The following CDKL5 variants were observed in gnomAD, a reference collection of about 807,000 sequenced individuals.
The protein encoded by CDKL5 is cyclin dependent kinase like 5, also known as cyclin-dependent kinase-like 5.
A neutral mutation model predicts 61.7 loss-of-function variants in CDKL5; 8 were observed. The ratio of observed to expected loss-of-function variants is 0.13; its 90% CI spans 0.08 to 0.23. The LOEUF is 0.23. Ranked by LOEUF, CDKL5 falls within the 10% of genes least tolerant of loss-of-function variation. The probability of loss-of-function intolerance (pLI) is 1.00; values close to 1 mark genes in which losing one functional copy is unlikely to be tolerated. For synonymous variants in CDKL5, 275 were observed against 272.3 expected, an observed-to-expected ratio of 1.01 and a Z score of -0.10; for missense variants, 440 against 734.5, an observed-to-expected ratio of 0.60 and a Z score of 4.63.
In CDKL5 at chrX:18,633,594, A is replaced by G; in HGVS notation, c.*4837A>G. The G allele has an allele frequency of 5.3e-6, 4 of 754,915 alleles. No homozygotes were observed. The highest frequency in any genetic ancestry group is 6.3e-6 in the Non-Finnish European group (4 of 639,450). 62.2% of individuals were successfully genotyped at this position (754,915 alleles called of 1,213,427 possible). ...AAATTCTGTCTCAGAAACGATGAGT[A>G]AGAAACCATACAAGAAAAAGAAGTC... On this transcript the variant is annotated 3_prime_UTR_variant, in exon 18 of 18. Transcript: ENST00000623535.
intron 3 of CDKL5, among the ~76,000 whole-genome samples, chrX:18,555,236 G>A (rs1194127500): frequency 9.0e-6 from 1 of 111,003 alleles, no homozygotes; most frequent in Non-Finnish European, 1.9e-5. Context: ...TGTGACAACC[G>A]AAAGTGTCCC....
Position 18,565,445 on chromosome X carries a change from A to G in CDKL5, c.145+923A>G, listed in dbSNP as rs774336648. The stretch of plus-strand genomic sequence containing the variant: ...TTGTGACATCAAATGGATTGATTTC[A>G]CTACTAGTAAGTCAGAGCCTGCTAT... On this transcript the variant is annotated intron_variant, in intron 4 of 17. Transcript: ENST00000623535. Among the ~76,000 whole-genome samples, 3 of 112,250 alleles carry G rather than the reference A, an allele frequency of 2.7e-5. No individual in the cohort carries two copies. The East Asian group carries it at 8.4e-4, about 31-fold the overall frequency.
intron 3 of CDKL5, among the ~76,000 whole-genome samples, chrX:18,539,374 C>T (rs1207408592): frequency 8.9e-6 from 1 of 111,879 alleles, no homozygotes; most frequent in East Asian, 2.8e-4. Context: ...ACTGCTTAAG[C>T]TGCATCCCAC....
chrX:18,575,925 G>A (rs1430341299), intron 5 of CDKL5, among the ~76,000 whole-genome samples: 1 of 111,717 alleles, frequency 9.0e-6, no homozygotes, highest in Non-Finnish European at 1.9e-5. Context: ...CAATGCTTTG[G>A]CTTTATTTGA....
chrX:18,497,118 G>A (rs747003198), intron 1 of CDKL5, among the ~76,000 whole-genome samples: 21 of 109,714 alleles, frequency 1.9e-4, no homozygotes, highest in African/African-American at 7.0e-4. Flanking sequence ...TCAGCCTCCC[G>A]AGTAGCTGGG....
intron 4 of CDKL5, among the ~76,000 whole-genome samples, chrX:18,568,168 C>T (rs755022782): frequency 8.9e-6 from 1 of 111,950 alleles, no homozygotes; most frequent in East Asian, 2.8e-4. Context: ...CATTGTAAGT[C>T]GGGACCATCT....
chrX:18,481,331 T>A (rs1464258643), intron 1 of CDKL5, among the ~76,000 whole-genome samples: 2 of 85,016 alleles, frequency 2.4e-5, no homozygotes, highest in Non-Finnish European at 4.3e-5. Flanking sequence ...TTTCTTTCTT[T>A]CTTTCTTTCT....
At chrX:18,573,673 C>T (rs945501017) in intron 4 of CDKL5, among the ~76,000 whole-genome samples, 13 of 112,423 alleles carry the variant, frequency 1.2e-4, no homozygotes, top group Admixed American at 9.4e-4. Context: ...CACAGTTGGC[C>T]TTTCCTACTG....
intron 4 of CDKL5, among the ~76,000 whole-genome samples, chrX:18,565,849 A>T (rs1214089518): frequency 8.9e-6 from 1 of 111,923 alleles, no homozygotes; most frequent in Non-Finnish European, 1.9e-5. Flanking sequence ...GGGACAAAAA[A>T]ATCTTGCTTC....
intron 3 of CDKL5, among the ~76,000 whole-genome samples, chrX:18,518,975 A>G (rs974055533): frequency 8.1e-5 from 9 of 111,262 alleles, no homozygotes; most frequent in African/African-American, 2.9e-4. Flanking sequence ...TGAGAATGGT[A>G]TAGTGAGAAC....
intron 2 of CDKL5, among the ~76,000 whole-genome samples, chrX:18,509,254 A>C (rs1371069278): frequency 1.1e-5 from 1 of 89,853 alleles, no homozygotes; most frequent in African/African-American, 4.0e-5. Context: ...CACCCCTGTC[A>C]AGCAAACTCT....
At chrX:18,646,270 C>T (rs1425971649) in intron 20 of CDKL5, among the ~76,000 whole-genome samples, 4 of 111,845 alleles carry the variant, frequency 3.6e-5, no homozygotes, top group African/African-American at 1.3e-4. Flanking sequence ...TCTCCTGCCT[C>T]AGCCTCCTAA....
intron 1 of CDKL5, among the ~76,000 whole-genome samples, chrX:18,492,660 A>T (rs933598678): frequency 9.0e-6 from 1 of 110,836 alleles, no homozygotes; most frequent in Non-Finnish European, 1.9e-5. Context: ...AGTGGTATTG[A>T]CTTCCTCTCC....
intron 1 of CDKL5, among the ~76,000 whole-genome samples, chrX:18,501,475 A>C (rs960625928): frequency 5.5e-5 from 6 of 108,593 alleles, no homozygotes; most frequent in Non-Finnish European, 1.2e-4. Context: ...CACCTGGCCT[A>C]ATTCCCAGTT....
chrX:18,474,078 A>G (rs1375438263), intron 1 of CDKL5, among the ~76,000 whole-genome samples: 1 of 110,374 alleles, frequency 9.1e-6, no homozygotes, highest in Admixed American at 9.7e-5. Context: ...TGTGTTGGCC[A>G]GGCTGGTCTC....
At chrX:18,473,691 G>C (rs1403798611) in intron 1 of CDKL5, among the ~76,000 whole-genome samples, 1 of 107,920 alleles carries the variant, frequency 9.3e-6, no homozygotes, top group Non-Finnish European at 1.9e-5. Context: ...TTACATGAAA[G>C]ATAAAAATGA....
rs1366383525 is a variant in CDKL5, at chrX:18,634,345, G to A, written c.*5588G>A. On this transcript the variant is annotated 3_prime_UTR_variant, in exon 18 of 18. Transcript: ENST00000623535. ...GTAGACAAGCTTGTCCTAGTGCTCT[G>A]CTTCAGGTCTTATCAGAAGAAACCC... The A allele has an allele frequency of 1.2e-5, 9 of 751,789 alleles. No homozygotes were observed. The highest frequency in any genetic ancestry group is 1.3e-5 in the Non-Finnish European group (8 of 638,608). 62.0% of individuals were successfully genotyped at this position (751,789 alleles called of 1,213,427 possible). A position where few individuals can be genotyped will look rare whatever the true frequency, so the allele number is the denominator to read the frequency against.
chrX:18,486,062 C>T (rs1319457809), intron 1 of CDKL5, among the ~76,000 whole-genome samples: 1 of 111,313 alleles, frequency 9.0e-6, no homozygotes, highest in Non-Finnish European at 1.9e-5. Context: ...GGTATAGAAG[C>T]CTTTTATGAT....
intron 3 of CDKL5, among the ~76,000 whole-genome samples, chrX:18,520,689 C>A (rs998739606): frequency 8.9e-6 from 1 of 111,827 alleles, no homozygotes; most frequent in Non-Finnish European, 1.9e-5. Context: ...TACATTCCCA[C>A]CAGCAATGTA....
Sources: allele counts gnomAD v4.1 joint callset (sites outside exome capture counted in the v4.1 genomes callset), GRCh38; gene constraint gnomAD v4.1.1; transcripts MANE v1.5; gene names NCBI Gene and HGNC (gene_info 2026-07-23, HGNC 2026-07-21).